Variants in ZNF33B observed in about 807,000 individuals in gnomAD.
ZNF33B encodes zinc finger protein 11b (KOX 2).
ZNF33B carries 29 observed loss-of-function variants against 45.8 expected under a neutral mutation model. The ratio of observed to expected loss-of-function variants is 0.63; its 90% CI spans 0.47 to 0.86. The LOEUF is 0.86. ZNF33B is among the 40% of genes least tolerant of loss of function. ZNF33B has a pLI of 0.00. For missense variants in ZNF33B, 831 were observed against 909.9 expected (o/e 0.91, Z 1.12); for synonymous variants, 305 against 307.8 (o/e 0.99, Z 0.10).
rs1264977924 is a variant in ZNF33B, at chr10:42,612,382, G to A, written c.251-17683C>T. Reference sequence around the variant, plus strand: ...CTTCAGAGGAGCTGGGAATACAGGCGTGCTTCACCACGCCCAGCTTATTTG... The same window carrying A: ...CTTCAGAGGAGCTGGGAATACAGGCATGCTTCACCACGCCCAGCTTATTTG... On this transcript the variant is annotated intron_variant, in intron 4 of 4. Transcript: ENST00000359467. 5.9e-5 allele frequency among the ~76,000 whole-genome samples: 9 copies of A among 151,862 alleles called. No individual in the cohort carries two copies. In the East Asian group the frequency reaches 9.7e-4, roughly 16 times the overall value.
At chr10:42,622,559 T>C (rs1265496530) in intron 4 of ZNF33B, among the ~76,000 whole-genome samples, 1 of 152,120 alleles carries the variant, frequency 6.6e-6, no homozygotes, top group African/African-American at 2.4e-5. Flanking sequence ...GACAAGGGCG[T>C]CAATTCTATT....
chr10:42,619,255 C>T (rs1838466799), intron 4 of ZNF33B, among the ~76,000 whole-genome samples: 1 of 152,144 alleles, frequency 6.6e-6, no homozygotes, highest in South Asian at 2.1e-4. Context: ...AGTTTTGTGG[C>T]ATTTTTACTT....
rs1837139944 is a variant in ZNF33B at position 42,591,882 on chromosome 10, T to C, written c.*731A>G. 6.6e-6 allele frequency: 1 copy of C among 152,290 alleles called. No individual in the cohort carries two copies. The highest frequency in any genetic ancestry group is 1.5e-5 in the Non-Finnish European group (1 of 68,114). The allele number at this position is 152,290 out of a possible 1,614,324, so 9.4% of individuals were successfully genotyped here. A position where few individuals can be genotyped will look rare whatever the true frequency, so the allele number is the denominator to read the frequency against. The stretch of plus-strand genomic sequence containing the variant: ...CAGACTCCTTTTCCATTCTGTAAAC[T>C]AATTGTGTTGATGGTTACTCAAATG... On this transcript the variant is annotated 3_prime_UTR_variant, in exon 5 of 5. Transcript: ENST00000359467.
At chr10:42,578,584 C>G (rs1390950775) in intron 1 of ZNF33B, 2 of 152,420 alleles carry the variant, frequency 1.3e-5, no homozygotes, top group Non-Finnish European at 2.9e-5. Flanking sequence ...GTAGCATGGA[C>G]AGGGAAGCCC....
In ZNF33B at chr10:42,593,016, G is replaced by A. The variant is rs1293722519; in HGVS notation, c.1934C>T (p.Ala645Val). 1.2e-6 allele frequency: 2 copies of A among 1,614,024 alleles called. No individual in the cohort carries two copies. The highest frequency in any genetic ancestry group is 1.7e-6 in the Non-Finnish European group (2 of 1,179,976). ...KPYECNECGK[A>V]FCHKSALIVH... is the part of the protein sequence containing the mutation. ...AATTAGAGCTGACTTATGGCAGAAA[G>A]CTTTTCCACACTCATTACATTCATA... Residue 645 changes from alanine (A) to valine (V), a missense_variant, in exon 5 of 5, where the codon GCT becomes GTT. Ala to Val is a moderately conservative substitution (Grantham distance 64). Coordinates refer to ENST00000359467, the MANE Select transcript of ZNF33B (RefSeq NM_006955.3).
intron 1 of ZNF33B, 102 bp from the exon 2 acceptor site, chr10:42,637,074 T>A: frequency 9.0e-7 from 1 of 1,115,134 alleles, no homozygotes; most frequent in Non-Finnish European, 1.3e-6. Context: ...CTAGGTAAAA[T>A]GCTCCGTCTG....
intron 4 of ZNF33B, among the ~76,000 whole-genome samples, chr10:42,601,022 T>C (rs992703308): frequency 3.3e-5 from 5 of 152,222 alleles, no homozygotes; most frequent in African/African-American, 1.2e-4. Context: ...TTAACTGGAA[T>C]GTCCTTATTT....
chr10:42,603,707 T>C (rs560112881), intron 4 of ZNF33B, among the ~76,000 whole-genome samples: 2 of 152,040 alleles, frequency 1.3e-5, no homozygotes, highest in African/African-American at 4.8e-5. Flanking sequence ...AATAGAGCAA[T>C]ATGTCAGCAA....
At chr10:42,635,870 C>T (rs140331761) in intron 2 of ZNF33B, among the ~76,000 whole-genome samples, 37 of 144,256 alleles carry the variant, frequency 2.6e-4, no homozygotes, top group Middle Eastern at 4.9e-3. Flanking sequence ...GTGGCTCACG[C>T]CTGTAATCCC....
At chr10:42,620,106 C>T (rs1475464723) in intron 4 of ZNF33B, among the ~76,000 whole-genome samples, 2 of 151,222 alleles carry the variant, frequency 1.3e-5, no homozygotes, top group Non-Finnish European at 1.5e-5. Context: ...GTCCCAGCTA[C>T]TTGGGAGGCT....
At chr10:42,580,249 G>GT (rs974211905) in intron 1 of ZNF33B, among the ~76,000 whole-genome samples, 1 of 152,024 alleles carries the variant, frequency 6.6e-6, no homozygotes, top group African/African-American at 2.4e-5. Context: ...CTTTTCTACT[G>GT]TTTTGTTTTG....
chr10:42,626,440 A>G (rs1838809989), intron 4 of ZNF33B, among the ~76,000 whole-genome samples: 1 of 152,170 alleles, frequency 6.6e-6, no homozygotes, highest in Non-Finnish European at 1.5e-5. Context: ...CTGTAATCCC[A>G]GCACTTCGGG....
At chr10:42,581,456 ATC>A (rs1018961203) in intron 1 of ZNF33B, 3 of 135,568 alleles carry the variant, frequency 2.2e-5, no homozygotes, top group Admixed American at 7.6e-5. Flanking sequence ...AAGAGTGAAA[ATC>A]TGTCTCAAAA....
chr10:42,619,849 A>G (rs1838492847), intron 4 of ZNF33B, among the ~76,000 whole-genome samples: 1 of 152,210 alleles, frequency 6.6e-6, no homozygotes, highest in Non-Finnish European at 1.5e-5. Flanking sequence ...GTTTAATTAC[A>G]AAGACAATAT....
chr10:42,613,321 G>A (rs1270043530), intron 4 of ZNF33B, among the ~76,000 whole-genome samples: 4 of 152,224 alleles, frequency 2.6e-5, no homozygotes, highest in African/African-American at 9.6e-5. Context: ...CGAGGTGGGT[G>A]GACTACCTAA....
chr10:42,626,094 T>C (rs1426922588), intron 4 of ZNF33B, among the ~76,000 whole-genome samples: 1 of 152,266 alleles, frequency 6.6e-6, no homozygotes, highest in Non-Finnish European at 1.5e-5. Context: ...CATGGATGCA[T>C]ACTGCATTTT....
At position 42,592,648 on chromosome 10, in the gene ZNF33B, G is replaced by C. The variant is rs1196576631; in HGVS notation, c.2302C>G (p.Gln768Glu). ...FSQKSNLIVH[Q>E]RTHIGEKPYE ...GGTTTTTCTCCTATGTGTGTTCTCT[G>C]ATGTACAATGAGATTTGACTTTTGA... Residue 768 changes from glutamine to glutamate, a missense_variant, in exon 5 of 5, where the codon CAG (glutamine) becomes GAG (glutamate). Physicochemically the swap from Gln to Glu is conservative, Grantham distance 29. Transcript: ENST00000359467. The C allele has an allele frequency of 1.2e-6, 2 of 1,613,920 alleles. No homozygotes were observed. Among genetic ancestry groups the C allele is most frequent in the Non-Finnish European group, 1.7e-6 (2 of 1,179,870 alleles).
At position 42,624,291 on chromosome 10, in the gene ZNF33B, T is replaced by A. The variant is rs564180578; in HGVS notation, c.250+7638A>T. ...CCAACATATGAATTTTGGGGAGACA[T>A]GAACATACAGTCTATAACAGCATAA... On this transcript the variant is annotated intron_variant, in intron 4 of 4. Transcript: ENST00000359467. Among the ~76,000 whole-genome samples, 4 of 152,338 alleles carry A rather than the reference T, an allele frequency of 2.6e-5. No homozygotes were observed. The East Asian group carries it at 7.7e-4, about 29-fold the overall frequency.
At chr10:42,597,159 A>G (rs1037472549) in intron 4 of ZNF33B, among the ~76,000 whole-genome samples, 1 of 152,106 alleles carries the variant, frequency 6.6e-6, no homozygotes, top group Non-Finnish European at 1.5e-5. Context: ...ATATGTTGAA[A>G]TGGTCATACG....
Sources: gnomAD v4.1 joint callset for allele counts (sites outside exome capture counted in the v4.1 genomes callset) on GRCh38, gnomAD v4.1.1 for gene constraint, MANE v1.5 for transcripts, NCBI Gene and HGNC (gene_info 2026-07-23, HGNC 2026-07-21) for gene names.